CACNA1B: variants seen among roughly 807,000 people sequenced by gnomAD.
CACNA1B encodes the protein calcium voltage-gated channel subunit alpha1 B, also known as voltage-dependent N-type calcium channel subunit alpha-1B.
CACNA1B carries 70 observed loss-of-function variants against 247.2 expected under a neutral mutation model. That is an observed-to-expected ratio of 0.28 (90% CI 0.23 to 0.35). The LOEUF (loss-of-function observed/expected upper bound fraction) is 0.35, where lower values mean the gene tolerates loss of function less well. Ranked by LOEUF, CACNA1B falls within the 10% of genes least tolerant of loss-of-function variation. The pLI is 1.00. For missense variants in CACNA1B, 2,367 were observed against 3,197.4 expected (o/e 0.74, Z 6.26); for synonymous variants, 1,231 against 1,294.4 (o/e 0.95, Z 1.05).
rs1399268272 is a variant in CACNA1B at position 137,952,399 on chromosome 9, G to A, written c.1070+22G>A. 2.5e-6 allele frequency: 4 copies of A among 1,583,918 alleles called. No homozygotes were observed. In the South Asian group the frequency reaches 4.4e-5, roughly 17 times the overall value. ...CGGGGTGAGAGACCATGTGGGGGAT[G>A]TGCAGGTGCCCCTCTGTGTTCTCAG... On this transcript the variant is annotated intron_variant, in intron 7 of 46. Transcript: ENST00000371372. This position sits in a 1 kb window ranked among gnomAD's most constrained non-coding sequence, Gnocchi z 4.8.
chr9:137,913,030 A>C lies in CACNA1B; in HGVS notation c.531-150A>C. The C allele has an allele frequency of 1.6e-6, 1 of 630,070 alleles. No individual in the cohort carries two copies. The highest frequency in any genetic ancestry group is 2.8e-6 in the Non-Finnish European group (1 of 352,776). 39.0% of individuals were successfully genotyped at this position (630,070 alleles called of 1,614,324 possible). On this transcript the variant is annotated intron_variant, in intron 3 of 46. Coordinates refer to ENST00000371372, the MANE Select transcript of CACNA1B (RefSeq NM_000718.4). The surrounding 1 kb of genome is among the most constrained non-coding windows in gnomAD (Gnocchi z 5.2). ...CTGTGGTTGGACAGTGGGGGGACAC[A>C]GGTGCTGGCCCTGTGGTTGGACAGT...
At chr9:137,949,080 T>C (rs918953278) in intron 6 of CACNA1B, among the ~76,000 whole-genome samples, 1 of 108,548 alleles carries the variant, frequency 9.2e-6, no homozygotes, top group African/African-American at 3.4e-5. Context: ...GTGTGTGTGG[T>C]GTGTGTGTGG....
In CACNA1B at chr9:137,917,601, C is replaced by A. The variant is rs1957426607; in HGVS notation, c.966+170C>A. Among the ~76,000 whole-genome samples, 1 of 152,194 alleles carries A rather than the reference C, an allele frequency of 6.6e-6. No homozygotes were observed. The highest frequency in any genetic ancestry group is 1.5e-5 in the Non-Finnish European group (1 of 68,026). ...CAGGCTCTTTCCGGCAGACGCCCCA[C>A]CCAAGGGTCCACCACAGGCAGCCTC... On this transcript the variant is annotated intron_variant, in intron 6 of 46. Transcript: ENST00000371372. This position sits in a 1 kb window ranked among gnomAD's most constrained non-coding sequence, Gnocchi z 5.5.
chr9:138,066,293 C>T (rs1353255122), intron 31 of CACNA1B, among the ~76,000 whole-genome samples: 1 of 152,132 alleles, frequency 6.6e-6, no homozygotes, highest in Non-Finnish European at 1.5e-5. Context: ...ATCAAGAGAC[C>T]CAAGAGGGCG....
Position 137,913,328 on chromosome 9 carries a change from C to A in CACNA1B, c.622+57C>A. On this transcript the variant is annotated intron_variant, in intron 4 of 46. Coordinates refer to ENST00000371372, the MANE Select transcript of CACNA1B (RefSeq NM_000718.4). The surrounding 1 kb of genome is among the most constrained non-coding windows in gnomAD (Gnocchi z 5.2). ...TTGGAGTAACAACCTCCTCTCCTAC[C>A]CTCACCACGGACATGGCCATGGCCA... The A allele has an allele frequency of 7.6e-7, 1 of 1,323,332 alleles. No homozygotes were observed. The highest frequency in any genetic ancestry group is 1.1e-6 in the Non-Finnish European group (1 of 921,824). 82.0% of individuals were successfully genotyped at this position (1,323,332 alleles called of 1,614,324 possible).
chr9:138,110,118 C>CAT (rs148792012), intron 39 of CACNA1B, among the ~76,000 whole-genome samples: 28,552 of 134,378 alleles, frequency 0.21, 2,943 homozygotes, highest in East Asian at 0.31. Flanking sequence ...TATATATATA[C>CAT]ATATATATAT....
Position 138,013,122 on chromosome 9 carries a change from C to G in CACNA1B, c.2161-7C>G. On this transcript the variant is annotated splice_polypyrimidine_tract_variant and splice_region_variant and intron_variant, in intron 17 of 46. Transcript: ENST00000371372. The stretch of plus-strand genomic sequence containing the variant: ...GGGGAACTGGACATTTCTCTTTGCT[C>G]AAACAGGATGAAGAGGAGATGGAAG... 4 of 1,609,128 alleles carry G rather than the reference C, an allele frequency of 2.5e-6. No homozygotes were observed. Among genetic ancestry groups the G allele is most frequent in the Non-Finnish European group, 3.4e-6 (4 of 1,175,760 alleles).
intron 20 of CACNA1B, among the ~76,000 whole-genome samples, chr9:138,028,601 G>A (rs914725427): frequency 6.6e-6 from 1 of 152,184 alleles, no homozygotes; most frequent in Non-Finnish European, 1.5e-5. Flanking sequence ...AAAGGAGTTT[G>A]GAGGAAACAG....
At chr9:138,061,931 C>A (rs1052477588) in intron 31 of CACNA1B, among the ~76,000 whole-genome samples, 3 of 152,234 alleles carry the variant, frequency 2.0e-5, no homozygotes, top group Non-Finnish European at 4.4e-5. Flanking sequence ...GGCTCTTGGC[C>A]ACGATGGTCA....
In CACNA1B at chr9:138,115,587, C is replaced by T; in HGVS notation, c.5685C>T (p.Ala1895=). ...GPVSLFHPLK[A]TLEQTQPAVL... ...TGTCCCTGTTCCACCCTCTGAAGGC[C>T]ACCCTGGAGCAGACACAGCCGGCTG... Residue 1895 remains alanine (A), a synonymous_variant, in exon 42 of 47, where the codon GCC becomes GCT. Transcript: ENST00000371372. 2.5e-6 allele frequency: 4 copies of T among 1,613,692 alleles called. No individual in the cohort carries two copies. Among genetic ancestry groups the T allele is most frequent in the East Asian group, 2.2e-5 (1 of 44,872 alleles).
In CACNA1B at chr9:137,882,653, A is replaced by C. The variant is rs4072563; in HGVS notation, c.391-91A>C. Reference sequence around the variant, plus strand: ...GACCCTCACGATAGCTGTGGCCTGCACATGGTGGGGTGGGGTCCTCACCAA... The same window carrying C: ...GACCCTCACGATAGCTGTGGCCTGCCCATGGTGGGGTGGGGTCCTCACCAA... On this transcript the variant is annotated intron_variant, in intron 2 of 46. Transcript: ENST00000371372. The surrounding 1 kb of genome is among the most constrained non-coding windows in gnomAD (Gnocchi z 4.0). 57,363 of 1,458,858 alleles carry C rather than the reference A, an allele frequency of 0.039. 6,617 individuals carry two copies. The highest frequency in any genetic ancestry group is 0.37 in the African/African-American group (26,871 of 71,924). 90.4% of individuals were successfully genotyped at this position (1,458,858 alleles called of 1,614,324 possible).
rs1450988537 is a variant in CACNA1B, at chr9:138,014,764, C to G, written c.2267+1529C>G. Among the ~76,000 whole-genome samples, 1 of 151,984 alleles carries G rather than the reference C, an allele frequency of 6.6e-6. No individual in the cohort carries two copies. The highest frequency in any genetic ancestry group is 1.5e-5 in the Non-Finnish European group (1 of 67,978). On this transcript the variant is annotated intron_variant, in intron 18 of 46. Coordinates refer to ENST00000371372, the MANE Select transcript of CACNA1B (RefSeq NM_000718.4). The surrounding 1 kb of genome is among the most constrained non-coding windows in gnomAD (Gnocchi z 6.2). Reference sequence around the variant, plus strand: ...GGAGGCGAGCACTTGTCCCTTGACCCCTGCTGCCTGCCGGCCCTGCCTCCT... The same window carrying G: ...GGAGGCGAGCACTTGTCCCTTGACCGCTGCTGCCTGCCGGCCCTGCCTCCT...
At chr9:138,094,518 A>T (rs913595049) in intron 36 of CACNA1B, among the ~76,000 whole-genome samples, 1 of 151,588 alleles carries the variant, frequency 6.6e-6, no homozygotes, top group Admixed American at 6.6e-5. Flanking sequence ...AGGAGGAAAC[A>T]CTTCCTAACA....
At chr9:137,962,737 A>G (rs114595503) in intron 10 of CACNA1B, among the ~76,000 whole-genome samples, 2,997 of 152,202 alleles carry the variant, frequency 0.02, 69 homozygotes, top group African/African-American at 0.053. Flanking sequence ...TGATTGTACC[A>G]TGGTCTTAGA....
chr9:138,095,189 A>G (rs1961015770), intron 36 of CACNA1B, among the ~76,000 whole-genome samples: 1 of 152,242 alleles, frequency 6.6e-6, no homozygotes. Context: ...ACAGAACAAA[A>G]TACTTGCAAA....
chr9:138,075,674 C>T (rs765824361), intron 34 of CACNA1B, 145 bp from the exon 35 acceptor site: 32 of 622,620 alleles, frequency 5.1e-5, no homozygotes, highest in Non-Finnish European at 8.4e-5. Context: ...ACTGGCCTCT[C>T]CCGGGTGGGA....
At chr9:137,892,307 T>C (rs1957113231) in intron 3 of CACNA1B, 3 of 456,754 alleles carry the variant, frequency 6.6e-6, no homozygotes, top group Non-Finnish European at 1.3e-5. Context: ...AGGCCTCTCC[T>C]CCTGGCTGGC....
chr9:137,999,423 A>G (rs1030534434), intron 15 of CACNA1B, among the ~76,000 whole-genome samples: 1 of 152,146 alleles, frequency 6.6e-6, no homozygotes, highest in Non-Finnish European at 1.5e-5. Context: ...ACTGAACAGT[A>G]TCAACACTTG....
intron 39 of CACNA1B, among the ~76,000 whole-genome samples, chr9:138,107,015 A>G (rs1961450876): frequency 6.6e-6 from 1 of 151,826 alleles, no homozygotes; most frequent in Non-Finnish European, 1.5e-5. Context: ...AACCTTTTTT[A>G]TCTGTTTCTC....
Sources: allele counts gnomAD v4.1 joint callset (sites outside exome capture counted in the v4.1 genomes callset), GRCh38; gene constraint gnomAD v4.1.1; non-coding constraint Gnocchi (gnomAD v3.1); transcripts MANE v1.5; gene names NCBI Gene and HGNC (gene_info 2026-07-23, HGNC 2026-07-21).